The following SAMD13 variants were observed in gnomAD, a reference collection of about 807,000 sequenced individuals.
SAMD13 encodes sterile alpha motif domain containing 13.
SAMD13 carries 9 observed loss-of-function variants against 12.4 expected under a neutral mutation model. The ratio of observed to expected loss-of-function variants is 0.72; its 90% CI spans 0.44 to 1.26. The LOEUF (loss-of-function observed/expected upper bound fraction) is 1.26. Among genes scored for constraint, SAMD13 ranks in the 50% most tolerant of loss-of-function variants. The pLI, the probability that SAMD13 is intolerant of heterozygous loss-of-function variation, is 0.00. For synonymous variants in SAMD13, 46 were observed against 45.4 expected (o/e 1.01, Z -0.05); for missense variants, 84 against 119.6 (o/e 0.70, Z 1.39).
chr1:84,313,715 T>C (rs941577134), intron 2 of SAMD13, among the ~76,000 whole-genome samples: 1 of 152,138 alleles, frequency 6.6e-6, no homozygotes, highest in South Asian at 2.1e-4. Context: ...AGCAAGGACT[T>C]TCAAAGCAAG....
At position 84,314,068 on chromosome 1, in the gene SAMD13, A is replaced by C. The variant is rs532260631; in HGVS notation, c.53+10781A>C. Among the ~76,000 whole-genome samples, 9 of 152,296 alleles carry C rather than the reference A, an allele frequency of 5.9e-5. No homozygotes were observed. In the East Asian group the frequency reaches 1.7e-3, roughly 29 times the overall value. On this transcript the variant is annotated intron_variant, in intron 2 of 3. Transcript: ENST00000394834. ...AGTAAAATATTAAGGTAGACTTAGA[A>C]ATTATTATGGTATTGCTAGAGTTTC...
At chr1:84,319,410 G>A (rs2101799972) in intron 2 of SAMD13, among the ~76,000 whole-genome samples, 1 of 152,138 alleles carries the variant, frequency 6.6e-6, no homozygotes, top group Admixed American at 6.5e-5. Context: ...TGGATCTGAG[G>A]TCAGAAGTCA....
chr1:84,324,268 C>T (rs1200526791), intron 2 of SAMD13, among the ~76,000 whole-genome samples: 1 of 152,170 alleles, frequency 6.6e-6, no homozygotes, highest in African/African-American at 2.4e-5. Flanking sequence ...AACAGCTCCT[C>T]ATTGCTCTTA....
intron 2 of SAMD13, among the ~76,000 whole-genome samples, chr1:84,315,407 A>G (rs2101796799): frequency 6.6e-6 from 1 of 152,248 alleles, no homozygotes; most frequent in East Asian, 1.9e-4. Flanking sequence ...TTTGTTGAAA[A>G]TGTCAGGATT....
upstream of SAMD13, among the ~76,000 whole-genome samples, chr1:84,301,297 T>C (rs1407656540): frequency 1.3e-5 from 2 of 152,196 alleles, no homozygotes; most frequent in Non-Finnish European, 1.5e-5. Context: ...AGCTTCCGAG[T>C]GTTCTCTGGT....
chr1:84,331,232 T>C (rs1679174213), intron 3 of SAMD13, among the ~76,000 whole-genome samples: 1 of 150,320 alleles, frequency 6.7e-6, no homozygotes, highest in African/African-American at 2.4e-5. Context: ...TCGAATTCAC[T>C]TGTAGTGATT....
In SAMD13 at chr1:84,349,728, A is replaced by T; in HGVS notation, c.263A>T (p.His88Leu). Reference sequence around the variant, plus strand: ...CCTGCTCTGAAAATCTACGAATATCATGTAAAACCTCTGCAGACAAAGCAT... The same window carrying T: ...CCTGCTCTGAAAATCTACGAATATCTTGTAAAACCTCTGCAGACAAAGCAT... ...LGPALKIYEY[H>L]VKPLQTKHLK... The change falls in exon 4 of 4, where the codon CAT becomes CTT. Residue 88 changes from histidine to leucine, a missense_variant. Physicochemically the swap from His to Leu is moderately conservative, Grantham distance 99 (BLOSUM62 -3). Coordinates refer to ENST00000394834, the MANE Select transcript of SAMD13 (RefSeq NM_001134663.2). 1 of 1,613,992 alleles carries T rather than the reference A, an allele frequency of 6.2e-7. No individual in the cohort carries two copies. The highest frequency in any genetic ancestry group is 8.5e-7 in the Non-Finnish European group (1 of 1,179,882).
intron 2 of SAMD13, among the ~76,000 whole-genome samples, chr1:84,309,202 T>G (rs1411745854): frequency 6.6e-6 from 1 of 152,216 alleles, no homozygotes; most frequent in African/African-American, 2.4e-5. Context: ...CTGGCTCTTC[T>G]GACTCCAAGA....
chr1:84,325,858 A>G (rs377602868), intron 3 of SAMD13, 110 bp downstream of exon 3: 7 of 680,786 alleles, frequency 1.0e-5, no homozygotes, highest in Admixed American at 2.2e-5. Flanking sequence ...AAGAGCAGGG[A>G]GGAATCAGTG....
rs557203451 is a variant in SAMD13 at position 84,335,071 on chromosome 1, T to A, written c.165+9323T>A. On this transcript the variant is annotated intron_variant, in intron 3 of 3. Coordinates refer to ENST00000394834, the MANE Select transcript of SAMD13 (RefSeq NM_001134663.2). ...GTAGATGTCTTTTAGATCCATTTAG[T>A]CAAGTGTTAAGTTCAAGTCCCGAAT... 2.0e-5 allele frequency among the ~76,000 whole-genome samples: 3 copies of A among 152,266 alleles called. No individual in the cohort carries two copies. The East Asian group carries it at 5.8e-4, about 29-fold the overall frequency.
chr1:84,301,396 C>T (rs1317414868), upstream of SAMD13, among the ~76,000 whole-genome samples: 1 of 152,186 alleles, frequency 6.6e-6, no homozygotes, highest in Non-Finnish European at 1.5e-5. Flanking sequence ...ATGCTCAGAA[C>T]AACAGCTAAG....
chr1:84,329,915 G>A (rs145443949), intron 3 of SAMD13, among the ~76,000 whole-genome samples: 104 of 152,274 alleles, frequency 6.8e-4, no homozygotes, highest in African/African-American at 2.2e-3. Context: ...GGAGTCTGGC[G>A]TACTGCACTC....
At chr1:84,305,318 A>G (rs1023664529) in intron 2 of SAMD13, among the ~76,000 whole-genome samples, 7 of 152,100 alleles carry the variant, frequency 4.6e-5, no homozygotes, top group African/African-American at 1.7e-4. Context: ...TAGATGAAGT[A>G]TTGTTCAAAT....
intron 2 of SAMD13, among the ~76,000 whole-genome samples, chr1:84,325,003 C>A (rs956815301): frequency 7.9e-5 from 12 of 152,132 alleles, no homozygotes; most frequent in Non-Finnish European, 1.5e-4. Flanking sequence ...ATCTCCCACT[C>A]TAGTGGGAGA....
In SAMD13 at chr1:84,313,890, A is replaced by G. The variant is rs1466230544; in HGVS notation, c.53+10603A>G. ...AATGTGATGCTTTTTTTTCTTGGTA[A>G]TGAATGTTGTAAGGTTTTGAACTAA... On this transcript the variant is annotated intron_variant, in intron 2 of 3. Coordinates refer to ENST00000394834, the MANE Select transcript of SAMD13 (RefSeq NM_001134663.2). Among the ~76,000 whole-genome samples the G allele has an allele frequency of 2.6e-5, 4 of 152,164 alleles. No individual in the cohort carries two copies. In the South Asian group the frequency reaches 8.3e-4, roughly 32 times the overall value.
intron 2 of SAMD13, among the ~76,000 whole-genome samples, chr1:84,312,435 TTTAA>T (rs1408213774): frequency 6.6e-6 from 1 of 151,524 alleles, no homozygotes; most frequent in Non-Finnish European, 1.5e-5. Context: ...ACTAAAAATA[TTTAA>T]TTATATAATA....
At chr1:84,311,565 T>A (rs1352415830) in intron 2 of SAMD13, among the ~76,000 whole-genome samples, 1 of 152,162 alleles carries the variant, frequency 6.6e-6, no homozygotes. Context: ...TTTGCAAATA[T>A]ATGCTGAACA....
rs991696811 is a variant in SAMD13 at position 84,322,363 on chromosome 1, T to C, written c.54-3274T>C. ...AATCCAATCCTAGCTTTATCTACCA[T>C]GCTATTTGGGGTGTGTTTCTTAACC... On this transcript the variant is annotated intron_variant, in intron 2 of 3. Coordinates refer to ENST00000394834, the MANE Select transcript of SAMD13 (RefSeq NM_001134663.2). Among the ~76,000 whole-genome samples, 32 of 152,224 alleles carry C rather than the reference T, an allele frequency of 2.1e-4. 1 individual carries two copies. Among genetic ancestry groups the C allele is most frequent in the Admixed American group, 2.1e-3 (32 of 15,270 alleles).
At chr1:84,312,560 G>C (rs1678738798) in intron 2 of SAMD13, among the ~76,000 whole-genome samples, 1 of 151,990 alleles carries the variant, frequency 6.6e-6, no homozygotes, top group Non-Finnish European at 1.5e-5. Flanking sequence ...AGTGTTACCT[G>C]GGTGAATAGG....
Sources: allele counts gnomAD v4.1 joint callset (sites outside exome capture counted in the v4.1 genomes callset), GRCh38; gene constraint gnomAD v4.1.1; transcripts MANE v1.5; gene names NCBI Gene and HGNC (gene_info 2026-07-23, HGNC 2026-07-21).